Variants in CARMIL3 observed in about 807,000 individuals in gnomAD.
CARMIL3 encodes the protein capping protein, Arp2/3 and myosin-I linker protein 3.
In CARMIL3, 88 loss-of-function variants were observed where a neutral mutation model predicts 180.8. The observed-to-expected ratio is 0.49, with a 90% CI of 0.41 to 0.58. The LOEUF (loss-of-function observed/expected upper bound fraction) is 0.58, where lower values mean the gene tolerates loss of function less well. Ranked by LOEUF, CARMIL3 falls within the 20% of genes least tolerant of loss-of-function variation. CARMIL3 has a pLI of 0.00. For synonymous variants in CARMIL3, 696 were observed against 714.5 expected, an observed-to-expected ratio of 0.97 and a Z score of 0.41; for missense variants, 1,548 against 1,787.0, an observed-to-expected ratio of 0.87 and a Z score of 2.41.
At position 24,059,072 on chromosome 14, in the gene CARMIL3, C is replaced by T; in HGVS notation, c.1572-63C>T. The T allele has an allele frequency of 6.3e-7, 1 of 1,587,830 alleles. No individual in the cohort carries two copies. The highest frequency in any genetic ancestry group is 8.6e-7 in the Non-Finnish European group (1 of 1,166,494). ...CACCGTATTACCTCTGGCCACCTCT[C>T]TCCTCCTCCAATAGCATGACCCCAG... On this transcript the variant is annotated intron_variant, in intron 19 of 39. Coordinates refer to ENST00000342740, the MANE Select transcript of CARMIL3 (RefSeq NM_138360.4). The surrounding 1 kb of genome is among the most constrained non-coding windows in gnomAD (Gnocchi z 6.3).
Position 24,062,839 on chromosome 14 carries a change from C to T in CARMIL3, c.2699C>T (p.Thr900Ile). The change falls in exon 29 of 40, where the codon ACC (threonine) becomes ATC (isoleucine). Residue 900 changes from threonine to isoleucine, a missense_variant. Coordinates refer to ENST00000342740, the MANE Select transcript of CARMIL3 (RefSeq NM_138360.4). ...GAGACCACAGATGATGAACTTGGGA[C>T]CAACATTGTGAGCCCCCCGCTCCCT... is the stretch of plus-strand genomic sequence containing the variant. ...HEETTDDELG[T>I]NIDTMAIKKQ... is the part of the protein sequence containing the mutation. 6.2e-7 allele frequency: 1 copy of T among 1,607,278 alleles called. No individual in the cohort carries two copies. The highest frequency in any genetic ancestry group is 8.5e-7 in the Non-Finnish European group (1 of 1,177,126).
Position 24,056,689 on chromosome 14 carries a change from G to A in CARMIL3, c.933G>A (p.Lys311=), listed in dbSNP as rs549725378. Residue 311 remains lysine (K), a synonymous_variant, in exon 12 of 40, where the codon AAG becomes AAA. Coordinates refer to ENST00000342740, the MANE Select transcript of CARMIL3 (RefSeq NM_138360.4). ...PSGLTKLCLA[K]TAISPRGLQA... is the part of the protein sequence containing the mutation. ...GCCTCACCAAACTGTGCCTGGCCAA[G>A]ACTGCCATTTCCCCTCGAGGTACTC... The A allele has an allele frequency of 4.2e-5, 68 of 1,613,312 alleles. No individual in the cohort carries two copies. The highest frequency in any genetic ancestry group is 5.4e-5 in the Non-Finnish European group (64 of 1,180,032).
In CARMIL3 at chr14:24,056,976, C is replaced by G; in HGVS notation, c.1014C>G (p.Tyr338Ter). The change falls in exon 13 of 40, where the codon TAC becomes TAG. Residue 338 changes from tyrosine (Y) to a stop codon, truncating the protein, a stop_gained. Transcript: ENST00000342740. LOFTEE classifies it high-confidence loss of function. Reference sequence around the variant, plus strand: ...CAGCATTTGCCAGCTCCCTTCGATACCTGGACCTGAGCAAGAATCCTGGGC... The same window carrying G: ...CAGCATTTGCCAGCTCCCTTCGATAGCTGGACCTGAGCAAGAATCCTGGGC... ...ANPAFASSLRYLDLSKNPGLL... is the reference protein window; with the variant it reads ...ANPAFASSLR The G allele has an allele frequency of 6.2e-7, 1 of 1,614,056 alleles. No homozygotes were observed. The highest frequency in any genetic ancestry group is 8.5e-7 in the Non-Finnish European group (1 of 1,179,972).
rs1247803263 is a variant in CARMIL3, at chr14:24,052,097, C to T, written c.-57C>T. ...CTGAAGCCGGGTCTAGCATGTGCCG[C>T]GGCTCCCCGGCGGCGGCGGCGGCTC... is the stretch of plus-strand genomic sequence containing the variant. On this transcript the variant is annotated 5_prime_UTR_variant, in exon 1 of 40. Transcript: ENST00000342740. 5.3e-6 allele frequency: 8 copies of T among 1,512,468 alleles called. No homozygotes were observed. In the South Asian group the frequency reaches 6.2e-5, roughly 12 times the overall value. The allele number at this position is 1,512,468 out of a possible 1,614,324, so 93.7% of individuals were successfully genotyped here. A position where few individuals can be genotyped will look rare whatever the true frequency, so the allele number is the denominator to read the frequency against.
At position 24,058,561 on chromosome 14, in the gene CARMIL3, T is replaced by C; in HGVS notation, c.1393-119T>C. ...TGGTGTGGGGAAAGAGTCTCCCTGA[T>C]TTTACACCCAGATCCTGGCATGACT... On this transcript the variant is annotated intron_variant, in intron 17 of 39. Transcript: ENST00000342740. This position sits in a 1 kb window ranked among gnomAD's most constrained non-coding sequence, Gnocchi z 6.4. 1 of 802,226 alleles carries C rather than the reference T, an allele frequency of 1.2e-6. No homozygotes were observed. The highest frequency in any genetic ancestry group is 2.0e-6 in the Non-Finnish European group (1 of 507,130). 49.7% of individuals were successfully genotyped at this position (802,226 alleles called of 1,614,324 possible). A position where few individuals can be genotyped will look rare whatever the true frequency, so the allele number is the denominator to read the frequency against.
At chr14:24,062,329 G>A in intron 27 of CARMIL3, 151 bp from the exon 28 acceptor site, 1 of 745,368 alleles carries the variant, frequency 1.3e-6, no homozygotes, top group Non-Finnish European at 2.4e-6. Context: ...TCAAGGGCTA[G>A]GCTGCCTCCT....
intron 27 of CARMIL3, 72 bp from the exon 28 acceptor site, chr14:24,062,408 G>A (rs1278874843): frequency 7.4e-6 from 10 of 1,348,848 alleles, no homozygotes; most frequent in Middle Eastern, 1.8e-4. Context: ...GCTTCTGGGA[G>A]AGGGAGTGCC....
Position 24,069,724 on chromosome 14 carries a change from A to C in CARMIL3, c.*320A>C. On this transcript the variant is annotated 3_prime_UTR_variant, in exon 40 of 40. Coordinates refer to ENST00000342740, the MANE Select transcript of CARMIL3 (RefSeq NM_138360.4). ...CTCTTGTATAGAATAAAAAAACAAA[A>C]TCATCGCCTGCCTCGAGTCTCTGCT... 2.6e-5 allele frequency: 9 copies of C among 347,304 alleles called. No individual in the cohort carries two copies. The highest frequency in any genetic ancestry group is 5.1e-5 in the East Asian group (1 of 19,578). The allele number at this position is 347,304 out of a possible 1,614,324, so 21.5% of individuals were successfully genotyped here. A position where few individuals can be genotyped will look rare whatever the true frequency, so the allele number is the denominator to read the frequency against.
intron 27 of CARMIL3, chr14:24,062,163 C>T (rs1411690463): frequency 3.9e-5 from 18 of 465,056 alleles, no homozygotes; most frequent in Non-Finnish European, 5.5e-5. Flanking sequence ...GGTTTAGTTA[C>T]TCAGCACCCC....
At chr14:24,068,999 G>T (rs985471292) in intron 38 of CARMIL3, 33 bp downstream of exon 38, 18 of 1,540,482 alleles carry the variant, frequency 1.2e-5, no homozygotes, top group Non-Finnish European at 1.6e-5. Context: ...GGGGCTCAGG[G>T]CACCTCTAGG....
chr14:24,052,624 G>GGCCCC (rs1183635136), intron 1 of CARMIL3, among the ~76,000 whole-genome samples: 1 of 152,156 alleles, frequency 6.6e-6, no homozygotes, highest in Non-Finnish European at 1.5e-5. Context: ...CCCTCCTCCC[G>GGCCCC]GCCCCGCCCC....
At chr14:24,057,071 G>A in intron 13 of CARMIL3, 47 bp downstream of exon 13, 1 of 1,600,800 alleles carries the variant, frequency 6.2e-7, no homozygotes, top group Non-Finnish European at 8.5e-7. Context: ...GCATGCTTAA[G>A]CTTCAGGAGC....
chr14:24,055,000 C>G lies in CARMIL3; in HGVS notation c.461-66C>G, dbSNP rs1486564685. ...GGCACATAAAGTGACCTTGACTGTT[C>G]TTGAACCCCAAGCCTATTCCCCATC... On this transcript the variant is annotated intron_variant, in intron 6 of 39. Coordinates refer to ENST00000342740, the MANE Select transcript of CARMIL3 (RefSeq NM_138360.4). This position sits in a 1 kb window ranked among gnomAD's most constrained non-coding sequence, Gnocchi z 5.1. 2.6e-6 allele frequency: 4 copies of G among 1,563,618 alleles called. No individual in the cohort carries two copies. Among genetic ancestry groups the G allele is most frequent in the Non-Finnish European group, 2.6e-6 (3 of 1,137,570 alleles).
chr14:24,064,419 T>C, intron 32 of CARMIL3, 73 bp downstream of exon 32: 1 of 1,116,082 alleles, frequency 9.0e-7, no homozygotes. Flanking sequence ...TCCTCCCAGC[T>C]CCCATGGGAG....
intron 36 of CARMIL3, 70 bp downstream of exon 36, chr14:24,066,726 G>A (rs919574065): frequency 5.2e-6 from 8 of 1,532,796 alleles, no homozygotes; most frequent in Admixed American, 1.8e-5. Context: ...AGAAGCCCAT[G>A]GCCCCTGTGC....
intron 29 of CARMIL3, 60 bp downstream of exon 29, chr14:24,062,906 A>G: frequency 6.4e-7 from 1 of 1,559,258 alleles, no homozygotes; most frequent in South Asian, 1.2e-5. Flanking sequence ...AAACCTGCAC[A>G]ACACTGTCCC....
Position 24,063,123 on chromosome 14 carries a change from A to ACCATGG in CARMIL3, c.2715_2720dup (p.Met905_Ala906dup), listed in dbSNP as rs1206440522. ...CCACTCGTCTTCATTTCTGCAGGACACCATGGCCATCAAAAAGCAGAAACG... is the reference window on the plus strand; with the variant it reads ...CCACTCGTCTTCATTTCTGCAGGACACCATGGCCATGGCCATCAAAAAGCAGAAACG... On this transcript the variant is annotated inframe_insertion, in exon 30 of 40. Transcript: ENST00000342740. The ACCATGG allele has an allele frequency of 1.9e-6, 3 of 1,613,104 alleles. No homozygotes were observed. The highest frequency in any genetic ancestry group is 2.5e-6 in the Non-Finnish European group (3 of 1,179,282).
Position 24,054,790 on chromosome 14 carries a change from A to G in CARMIL3, c.442A>G (p.Thr148Ala), listed in dbSNP as rs1023660471. ...TSPNSETSTS[T>A]THSVCGGFSE... ...CCCCAACTCTGAGACTTCCACATCT[A>G]CCACCCACAGTGTCTGCGGTGAGCA... Residue 148 changes from threonine (T) to alanine (A), a missense_variant, in exon 6 of 40, where the codon ACC becomes GCC. By Grantham distance (58) the Thr-to-Ala change is moderately conservative. Transcript: ENST00000342740. The surrounding 1 kb of genome is among the most constrained non-coding windows in gnomAD (Gnocchi z 5.1). 3.7e-6 allele frequency: 6 copies of G among 1,613,896 alleles called. No homozygotes were observed. The highest frequency in any genetic ancestry group is 1.3e-5 in the African/African-American group (1 of 74,918).
chr14:24,063,955 G>A (rs529153831), intron 31 of CARMIL3, among the ~76,000 whole-genome samples: 21 of 148,570 alleles, frequency 1.4e-4, no homozygotes, highest in African/African-American at 5.2e-4. Context: ...TTAGCCGGGC[G>A]TGGTGGCGCC....
Sources: allele counts gnomAD v4.1 joint callset (sites outside exome capture counted in the v4.1 genomes callset), GRCh38; gene constraint gnomAD v4.1.1; non-coding constraint Gnocchi (gnomAD v3.1); transcripts MANE v1.5; gene names NCBI Gene and HGNC (gene_info 2026-07-23, HGNC 2026-07-21).